The following CD53 variants were observed in gnomAD, a reference collection of about 807,000 sequenced individuals.
The protein encoded by CD53 is leukocyte surface antigen CD53.
CD53 carries 20 observed loss-of-function variants against 27.3 expected under a neutral mutation model. The ratio of observed to expected loss-of-function variants is 0.73; its 90% CI spans 0.52 to 1.07. The LOEUF is 1.07. Among genes scored for constraint, CD53 ranks in the 50% least tolerant of loss-of-function variants. CD53 has a pLI of 0.00. For missense variants in CD53, 216 were observed against 264.0 expected (o/e 0.82, Z 1.26); for synonymous variants, 106 against 105.3 (o/e 1.01, Z -0.04).
rs1176199208 is a variant in CD53 at position 110,899,248 on chromosome 1, C to G, written c.*53C>G. ...TTGTTTCATCTCCGGAAATGCAAAA[C>G]CATTTATAGCATGAAGCCCTACATG... is the stretch of plus-strand genomic sequence containing the variant. On this transcript the variant is annotated 3_prime_UTR_variant, in exon 8 of 8. Coordinates refer to ENST00000271324, the MANE Select transcript of CD53 (RefSeq NM_000560.4). 7.8e-7 allele frequency: 1 copy of G among 1,277,800 alleles called. No homozygotes were observed. Among genetic ancestry groups the G allele is most frequent in the African/African-American group, 1.4e-5 (1 of 69,418 alleles). 79.2% of individuals were successfully genotyped at this position (1,277,800 alleles called of 1,614,324 possible).
Position 110,896,635 on chromosome 1 carries a change from T to G in CD53, c.424-18T>G, listed in dbSNP as rs1261330293. ...GTTGACTTTCTAACCATCATCATTTTGGGGGTTTGGCTTTTAGCTGCAGTG... is the reference window on the plus strand; with the variant it reads ...GTTGACTTTCTAACCATCATCATTTGGGGGGTTTGGCTTTTAGCTGCAGTG... On this transcript the variant is annotated intron_variant, in intron 5 of 7. Transcript: ENST00000271324. 1 of 1,610,220 alleles carries G rather than the reference T, an allele frequency of 6.2e-7. No individual in the cohort carries two copies. The highest frequency in any genetic ancestry group is 8.5e-7 in the Non-Finnish European group (1 of 1,178,126).
chr1:110,879,088 G>C (rs1456936361), intron 1 of CD53, among the ~76,000 whole-genome samples: 1 of 151,920 alleles, frequency 6.6e-6, no homozygotes, highest in African/African-American at 2.4e-5. Flanking sequence ...TATGAAACAA[G>C]CAAGGGATTA....
intron 1 of CD53, among the ~76,000 whole-genome samples, chr1:110,875,437 T>C (rs1314929907): frequency 2.0e-5 from 3 of 152,182 alleles, no homozygotes; most frequent in Non-Finnish European, 4.4e-5. Context: ...CTCCTCAACC[T>C]AGATTTTCAC....
chr1:110,886,314 G>T (rs972147412), intron 1 of CD53, among the ~76,000 whole-genome samples: 1 of 151,946 alleles, frequency 6.6e-6, no homozygotes, highest in African/African-American at 2.4e-5. Flanking sequence ...TGAGTACTTT[G>T]ATTATAAAGA....
At position 110,899,272 on chromosome 1, in the gene CD53, T is replaced by G. The variant is rs151105416; in HGVS notation, c.*77T>G. The G allele has an allele frequency of 7.9e-4, 798 of 1,016,454 alleles. 5 individuals carry two copies. The African/African-American group carries it at 0.011, about 15-fold the overall frequency. The allele number at this position is 1,016,454 out of a possible 1,614,324, so 63.0% of individuals were successfully genotyped here. On this transcript the variant is annotated 3_prime_UTR_variant, in exon 8 of 8. Transcript: ENST00000271324. ...ACCATTTATAGCATGAAGCCCTACATGATCACTGCAGGATGATCCTCCTCC... is the reference window on the plus strand; with the variant it reads ...ACCATTTATAGCATGAAGCCCTACAGGATCACTGCAGGATGATCCTCCTCC...
rs548719381 is a variant in CD53, at chr1:110,897,859, C to T, written c.555C>T (p.Ile185=). 25 of 1,611,422 alleles carry T rather than the reference C, an allele frequency of 1.6e-5. No individual in the cohort carries two copies. Among genetic ancestry groups the T allele is most frequent in the South Asian group, 3.3e-5 (3 of 90,958 alleles). ...GGTTTCATTCCAATTTCCTGTATAT[C>T]GGAATCATCACCATCTGTGTATGTG... ...RLWFHSNFLY[I]GIITICVCVI... The change falls in exon 7 of 8, where the codon ATC becomes ATT. Residue 185 remains isoleucine, a synonymous_variant. Transcript: ENST00000271324.
intron 1 of CD53, among the ~76,000 whole-genome samples, chr1:110,890,125 T>C (rs1355342238): frequency 1.3e-5 from 2 of 152,140 alleles, no homozygotes; most frequent in Non-Finnish European, 2.9e-5. Flanking sequence ...AAGGAGATAC[T>C]ATGGATTGCA....
chr1:110,896,722 C>A lies in CD53; in HGVS notation c.493C>A (p.Arg165=). The A allele has an allele frequency of 6.2e-7, 1 of 1,612,464 alleles. No individual in the cohort carries two copies. Among genetic ancestry groups the A allele is most frequent in the Non-Finnish European group, 8.5e-7 (1 of 1,179,286 alleles). ...CCCACCAGCATCTTGCCCCTCAGAT[C>A]GAAAAGTGGAGGTAATTTTGTCGGC... ...SGPPASCPSD[R]KVEGCYAKAR... The change falls in exon 6 of 8, where the codon CGA becomes AGA. Residue 165 remains arginine, a synonymous_variant. Transcript: ENST00000271324.
chr1:110,871,420 C>T (rs562632228), upstream of CD53, among the ~76,000 whole-genome samples: 1 of 152,010 alleles, frequency 6.6e-6, no homozygotes, highest in Admixed American at 6.5e-5. Flanking sequence ...TTCTCATGAA[C>T]GTGGCTGAAA....
upstream of CD53, among the ~76,000 whole-genome samples, chr1:110,871,438 C>G (rs1655959724): frequency 1.3e-5 from 2 of 151,994 alleles, no homozygotes; most frequent in African/African-American, 4.8e-5. Context: ...AAAGGCCAGT[C>G]AGGCCTTTCC....
At position 110,895,003 on chromosome 1, in the gene CD53, G is replaced by A. The variant is rs748379786; in HGVS notation, c.371G>A (p.Arg124His). The change falls in exon 5 of 8, where the codon CGT (arginine) becomes CAT (histidine). Residue 124 changes from arginine (R) to histidine (H), a missense_variant. By Grantham distance (29) the Arg-to-His change is conservative (BLOSUM62 0). Coordinates refer to ENST00000271324, the MANE Select transcript of CD53 (RefSeq NM_000560.4). ...VAKGLTDSIHRYHSDNSTKAA... is the reference protein window; with the variant it reads ...VAKGLTDSIHHYHSDNSTKAA... ...AAGGGTCTGACCGACAGCATCCACC[G>A]TTACCACTCAGACAATAGCACCAAG... is the stretch of plus-strand genomic sequence containing the variant. 4.0e-5 allele frequency: 65 copies of A among 1,613,876 alleles called. No homozygotes were observed. The highest frequency in any genetic ancestry group is 1.6e-4 in the Middle Eastern group (1 of 6,084).
intron 1 of CD53, among the ~76,000 whole-genome samples, chr1:110,887,934 C>A (rs374502140): frequency 2.6e-5 from 4 of 152,090 alleles, no homozygotes; most frequent in African/African-American, 7.2e-5. Context: ...TCAAACATCT[C>A]GAAATGGGGT....
intron 1 of CD53, among the ~76,000 whole-genome samples, chr1:110,889,526 C>G (rs1467123993): frequency 5.9e-5 from 9 of 151,716 alleles, no homozygotes; most frequent in African/African-American, 2.2e-4. Context: ...CCACTGCATG[C>G]CAGCCTCGGC....
chr1:110,889,041 A>AG (rs1656740677), intron 1 of CD53, among the ~76,000 whole-genome samples: 1 of 152,214 alleles, frequency 6.6e-6, no homozygotes, highest in African/African-American at 2.4e-5. Context: ...GCTTGTGCAA[A>AG]GGGCAACAGG....
intron 3 of CD53, chr1:110,892,856 C>CA (rs1656911786): frequency 1.3e-5 from 3 of 234,436 alleles, no homozygotes; most frequent in Non-Finnish European, 2.5e-5. Flanking sequence ...ATCCATCTTC[C>CA]AAAATCCTCC....
At chr1:110,885,248 C>T (rs565139051) in intron 1 of CD53, among the ~76,000 whole-genome samples, 1 of 152,320 alleles carries the variant, frequency 6.6e-6, no homozygotes, top group Admixed American at 6.5e-5. Flanking sequence ...TTGAACAGTT[C>T]AGTATCTATT....
rs1162196194 is a variant in CD53 at position 110,899,869 on chromosome 1, G to T, written c.*674G>T. On this transcript the variant is annotated 3_prime_UTR_variant, in exon 8 of 8. Coordinates refer to ENST00000271324, the MANE Select transcript of CD53 (RefSeq NM_000560.4). ...CTGGTATTATCTCTCTATCAGATAA[G>T]ATTTTGTTAATGTACTATTTTACTC... 2.6e-5 allele frequency: 4 copies of T among 152,270 alleles called. No homozygotes were observed. In the South Asian group the frequency reaches 6.3e-4, roughly 24 times the overall value. 9.4% of individuals were successfully genotyped at this position (152,270 alleles called of 1,614,324 possible).
chr1:110,897,523 G>A (rs1380720084), intron 6 of CD53: 14 of 266,538 alleles, frequency 5.3e-5, no homozygotes, highest in Non-Finnish European at 8.6e-5. Context: ...ACAGTAGGAC[G>A]TCGGTTGCTG....
At position 110,899,852 on chromosome 1, in the gene CD53, A is replaced by G. The variant is rs1440149320; in HGVS notation, c.*657A>G. ...TCACAGTAAGAAGACTTCTGGTATT[A>G]TCTCTCTATCAGATAAGATTTTGTT... On this transcript the variant is annotated 3_prime_UTR_variant, in exon 8 of 8. Coordinates refer to ENST00000271324, the MANE Select transcript of CD53 (RefSeq NM_000560.4). 6.5e-6 allele frequency: 1 copy of G among 152,698 alleles called. No homozygotes were observed. The highest frequency in any genetic ancestry group is 2.4e-5 in the African/African-American group (1 of 41,452). The allele number at this position is 152,698 out of a possible 1,614,324, so 9.5% of individuals were successfully genotyped here. A position where few individuals can be genotyped will look rare whatever the true frequency, so the allele number is the denominator to read the frequency against.
Sources: gnomAD v4.1 joint callset for allele counts (sites outside exome capture counted in the v4.1 genomes callset) on GRCh38, gnomAD v4.1.1 for gene constraint, MANE v1.5 for transcripts, NCBI Gene and HGNC (gene_info 2026-07-23, HGNC 2026-07-21) for gene names.